SPATA6: variants seen among roughly 807,000 people sequenced by gnomAD.
The protein encoded by SPATA6 is spermatogenesis-associated protein 6.
SPATA6 carries 56 observed loss-of-function variants against 65.3 expected under a neutral mutation model. The observed-to-expected ratio is 0.86, with a 90% confidence interval of 0.69 to 1.07. The LOEUF (loss-of-function observed/expected upper bound fraction) is 1.07. SPATA6 is among the 50% of genes least tolerant of loss of function. The probability of loss-of-function intolerance (pLI) is 0.00; values close to 1 mark genes in which losing one functional copy is unlikely to be tolerated. For synonymous variants in SPATA6, 199 were observed against 213.2 expected (o/e 0.93, Z 0.58); for missense variants, 590 against 594.8 (o/e 0.99, Z 0.08).
intron 11 of SPATA6, among the ~76,000 whole-genome samples, chr1:48,320,325 T>C (rs958014705): frequency 5.9e-5 from 9 of 152,086 alleles, no homozygotes; most frequent in African/African-American, 2.2e-4. Context: ...ACAATCCAAC[T>C]GCCGAATACC....
intron 11 of SPATA6, among the ~76,000 whole-genome samples, chr1:48,313,252 C>G (rs1645281824): frequency 6.6e-6 from 1 of 152,092 alleles, no homozygotes; most frequent in Admixed American, 6.5e-5. Context: ...TCAGATTCAC[C>G]AAAGTTTAAA....
At chr1:48,281,678 T>C in the SPATA6 span, among the ~76,000 whole-genome samples, 2 of 151,240 alleles carry the variant, frequency 1.3e-5, no homozygotes, top group East Asian at 3.9e-4. Flanking sequence ...CTCAATGAAA[T>C]AAAAGAGGAT....
rs367557644 is a variant in SPATA6 at position 48,298,789 on chromosome 1, T to G, written c.1391A>C (p.Asn464Thr). Reference protein sequence around the residue: ...KGKSHRPIFENSMDKMYRNLY... With the variant: ...KGKSHRPIFETSMDKMYRNLY... ...GTTCCTGTACATCTTGTCCATGCTG[T>G]TCTCAAAGATGGGTCGGTGGGATTT... Residue 464 changes from asparagine to threonine, a missense_variant, in exon 13 of 13, where the codon AAC becomes ACC. Coordinates refer to ENST00000371847, the MANE Select transcript of SPATA6 (RefSeq NM_019073.4). The G allele has an allele frequency of 6.2e-7, 1 of 1,613,922 alleles. No homozygotes were observed. The highest frequency in any genetic ancestry group is 1.3e-5 in the African/African-American group (1 of 74,914).
chr1:48,425,786 A>T (rs1008675970), intron 3 of SPATA6, among the ~76,000 whole-genome samples: 6 of 152,144 alleles, frequency 3.9e-5, no homozygotes, highest in African/African-American at 1.4e-4. Context: ...TTTTATCCCT[A>T]CTTTATACTA....
intron 11 of SPATA6, among the ~76,000 whole-genome samples, chr1:48,330,170 C>T (rs1162898925): frequency 6.6e-6 from 1 of 152,174 alleles, no homozygotes; most frequent in Non-Finnish European, 1.5e-5. Flanking sequence ...CCACCCCCAC[C>T]ACTGGTAGCC....
the SPATA6 span, among the ~76,000 whole-genome samples, chr1:48,275,800 T>C: frequency 1.3e-5 from 2 of 152,144 alleles, no homozygotes; most frequent in Admixed American, 1.3e-4. Flanking sequence ...TTTTCTTTTT[T>C]TGTTGTGCCT....
At chr1:48,458,988 G>A (rs1657211322) in intron 1 of SPATA6, among the ~76,000 whole-genome samples, 1 of 151,986 alleles carries the variant, frequency 6.6e-6, no homozygotes, top group South Asian at 2.1e-4. Context: ...GGTGGATCAT[G>A]AGGTCCGGAG....
chr1:48,367,680 CTA>C (rs1305722059), intron 9 of SPATA6, among the ~76,000 whole-genome samples: 1 of 152,110 alleles, frequency 6.6e-6, no homozygotes, highest in Non-Finnish European at 1.5e-5. Flanking sequence ...TATTTTGAGC[CTA>C]TGTGTGTCTC....
intron 3 of SPATA6, among the ~76,000 whole-genome samples, chr1:48,440,780 A>C (rs1246884720): frequency 6.6e-6 from 1 of 152,206 alleles, no homozygotes; most frequent in Non-Finnish European, 1.5e-5. Context: ...TTACCCAATC[A>C]GTCACAGATA....
chr1:48,371,227 G>T (rs2148859232), intron 9 of SPATA6, among the ~76,000 whole-genome samples: 1 of 151,970 alleles, frequency 6.6e-6, no homozygotes, highest in African/African-American at 2.4e-5. Context: ...GCTGGAAACA[G>T]CATTTGGTAA....
intron 3 of SPATA6, among the ~76,000 whole-genome samples, chr1:48,450,746 C>T (rs536861894): frequency 6.6e-6 from 1 of 152,116 alleles, no homozygotes; most frequent in South Asian, 2.1e-4. Flanking sequence ...ACTCTTCTTC[C>T]CTCTAATACT....
At chr1:48,324,659 ACT>A (rs1209214127) in intron 11 of SPATA6, among the ~76,000 whole-genome samples, 1 of 152,092 alleles carries the variant, frequency 6.6e-6, no homozygotes, top group East Asian at 1.9e-4. Flanking sequence ...CATAATAAAA[ACT>A]CTCAAAAAAA....
At chr1:48,351,621 A>G (rs1020864403) in intron 11 of SPATA6, among the ~76,000 whole-genome samples, 30 of 152,090 alleles carry the variant, frequency 2.0e-4, no homozygotes, top group African/African-American at 6.8e-4. Context: ...CATTTCTGCA[A>G]TAAGTCCACT....
chr1:48,293,292 A>C (rs1354412228), downstream of SPATA6, among the ~76,000 whole-genome samples: 1 of 152,226 alleles, frequency 6.6e-6, no homozygotes, highest in Non-Finnish European at 1.5e-5. Context: ...GAGCTGTGCC[A>C]GCCTGACGGA....
intron 8 of SPATA6, among the ~76,000 whole-genome samples, chr1:48,390,732 A>C (rs777713129): frequency 8.5e-5 from 13 of 152,190 alleles, no homozygotes; most frequent in Non-Finnish European, 1.5e-4. Context: ...AGAACCATAA[A>C]ATTCTACTTT....
intron 7 of SPATA6, among the ~76,000 whole-genome samples, chr1:48,397,512 G>A (rs1352889356): frequency 6.6e-6 from 1 of 151,558 alleles, no homozygotes; most frequent in Non-Finnish European, 1.5e-5. Flanking sequence ...AAGAATCTTG[G>A]AAGCACGCTA....
chr1:48,352,112 T>C (rs1208875193), intron 11 of SPATA6, among the ~76,000 whole-genome samples: 1 of 152,018 alleles, frequency 6.6e-6, no homozygotes, highest in Non-Finnish European at 1.5e-5. Context: ...CAATCATGGT[T>C]AAAGCCAATA....
chr1:48,298,517 A>G lies in SPATA6; in HGVS notation c.*196T>C. ...AGCTCTAATGTTTGTAACACAGCAGACTCTTCTGTAATAATTATTTTAAAA... is the reference window on the plus strand; with the variant it reads ...AGCTCTAATGTTTGTAACACAGCAGGCTCTTCTGTAATAATTATTTTAAAA... On this transcript the variant is annotated 3_prime_UTR_variant, in exon 13 of 13. Coordinates refer to ENST00000371847, the MANE Select transcript of SPATA6 (RefSeq NM_019073.4). 2.0e-6 allele frequency: 1 copy of G among 488,078 alleles called. No individual in the cohort carries two copies. The highest frequency in any genetic ancestry group is 3.5e-6 in the Non-Finnish European group (1 of 284,922). The allele number at this position is 488,078 out of a possible 1,614,324, so 30.2% of individuals were successfully genotyped here.
intron 12 of SPATA6, among the ~76,000 whole-genome samples, chr1:48,300,052 C>T (rs1282164577): frequency 1.3e-5 from 2 of 151,936 alleles, no homozygotes; most frequent in East Asian, 1.9e-4. Flanking sequence ...CAAGAGAGCA[C>T]GCATGTAAGT....
Sources: gnomAD v4.1 joint callset for allele counts (sites outside exome capture counted in the v4.1 genomes callset) on GRCh38, gnomAD v4.1.1 for gene constraint, MANE v1.5 for transcripts, NCBI Gene and HGNC (gene_info 2026-07-23, HGNC 2026-07-21) for gene names.